The following USP35 variants were observed in gnomAD, a reference collection of about 807,000 sequenced individuals.
USP35 encodes the protein ubiquitin specific peptidase 35.
A neutral mutation model predicts 83.8 loss-of-function variants in USP35; 69 were observed. That is an observed-to-expected ratio of 0.82 (90% CI 0.68 to 1.01). The LOEUF is 1.01. Ranked by LOEUF, USP35 falls within the 50% of genes least tolerant of loss-of-function variation. The pLI is 0.00. For synonymous variants in USP35, 714 were observed against 589.5 expected (o/e 1.21, Z -3.06); for missense variants, 1,503 against 1,362.5 (o/e 1.10, Z -1.62).
rs935367497 is a variant in USP35, at chr11:78,215,018, T to C, written c.*1205T>C. ...ATGGTGGTGTGGAGTTTGGGCCCAA[T>C]GTCACAGACCCTCAAGATGTCACAT... is the stretch of plus-strand genomic sequence containing the variant. On this transcript the variant is annotated 3_prime_UTR_variant, in exon 11 of 11. Transcript: ENST00000529308. Among the ~76,000 whole-genome samples the C allele has an allele frequency of 6.6e-6, 1 of 152,010 alleles. No individual in the cohort carries two copies. Among genetic ancestry groups the C allele is most frequent in the Non-Finnish European group, 1.5e-5 (1 of 67,988 alleles).
the USP35 span, chr11:78,222,323 T>A: frequency 1.5e-6 from 1 of 666,104 alleles, no homozygotes; most frequent in South Asian, 1.7e-5. Context: ...ACAGGGAAAC[T>A]GACGCTCAGC....
chr11:78,192,925 C>T (rs1356519613), intron 1 of USP35, among the ~76,000 whole-genome samples: 1 of 152,152 alleles, frequency 6.6e-6, no homozygotes, highest in Non-Finnish European at 1.5e-5. Flanking sequence ...CAGAGTCTTC[C>T]CTGTCTCCAG....
At position 78,212,100 on chromosome 11, in the gene USP35, C is replaced by G. The variant is rs115407481; in HGVS notation, c.2889+1356C>G. Among the ~76,000 whole-genome samples the G allele has an allele frequency of 2.9e-4, 44 of 152,240 alleles. No homozygotes were observed. The East Asian group carries it at 5.4e-3, about 19-fold the overall frequency. ...TTTTACATTTAAGTCTTTAATCCATCGAGTGAATTTTTTGTATAAGGTATA... is the reference window on the plus strand; with the variant it reads ...TTTTACATTTAAGTCTTTAATCCATGGAGTGAATTTTTTGTATAAGGTATA... On this transcript the variant is annotated intron_variant, in intron 10 of 10. Transcript: ENST00000529308.
At position 78,196,536 on chromosome 11, in the gene USP35, C is replaced by T. The variant is rs1590897063; in HGVS notation, c.291C>T (p.Gly97=). ...TGCAGGGTGGCGCCGGCCCCCCGGG[C>T]CCCCGCGCGCTCGCCTGCGTGCAGC... ...RLLQGGAGPP[G]PRALACVQLG... The change falls in exon 2 of 11, where the codon GGC becomes GGT. Residue 97 remains glycine (G), a synonymous_variant. Transcript: ENST00000529308. This position sits in a 1 kb window ranked among gnomAD's most constrained non-coding sequence, Gnocchi z 4.8. 1.6e-6 allele frequency: 2 copies of T among 1,224,310 alleles called. No individual in the cohort carries two copies. The highest frequency in any genetic ancestry group is 2.1e-6 in the Non-Finnish European group (2 of 975,250). 75.8% of individuals were successfully genotyped at this position (1,224,310 alleles called of 1,614,324 possible). A position where few individuals can be genotyped will look rare whatever the true frequency, so the allele number is the denominator to read the frequency against.
chr11:78,193,639 G>T (rs59776258), intron 1 of USP35, among the ~76,000 whole-genome samples: 4,301 of 152,248 alleles, frequency 0.028, 163 homozygotes, highest in African/African-American at 0.097. Context: ...TGAAGCAACA[G>T]GAGTTGACAT....
At position 78,209,885 on chromosome 11, in the gene USP35, TAGAG is replaced by T. The variant is rs762612190; in HGVS notation, c.2033_2036del (p.Glu678GlyfsTer96). 1.3e-6 allele frequency: 2 copies of T among 1,597,304 alleles called. No homozygotes were observed. The highest frequency in any genetic ancestry group is 1.7e-5 in the Admixed American group (1 of 57,582). On this transcript the variant is annotated frameshift_variant, in exon 10 of 11. Transcript: ENST00000529308. LOFTEE classifies it high-confidence loss of function. ...GGGCAGAGCAGTCAGGAGGAAAGGA[TAGAG>T]AGGGAGGAAGAAGGGAAGGAGGAGA...
rs1863964613 is a variant in USP35 at position 78,214,237 on chromosome 11, G to GA, written c.*424_*425insA. The GA allele has an allele frequency of 7.0e-6, 1 of 142,962 alleles. No homozygotes were observed. The highest frequency in any genetic ancestry group is 2.9e-5 in the African/African-American group (1 of 34,848). The allele number at this position is 142,962 out of a possible 1,614,324, so 8.9% of individuals were successfully genotyped here. A position where few individuals can be genotyped will look rare whatever the true frequency, so the allele number is the denominator to read the frequency against. On this transcript the variant is annotated 3_prime_UTR_variant, in exon 11 of 11. Coordinates refer to ENST00000529308, the MANE Select transcript of USP35 (RefSeq NM_020798.4). Reference sequence around the variant, plus strand: ...GCAGGATCCAAGCCTTGCACAAAGGGGTGGGGGGGGCAGTGTCTCCTCTGG... The same window carrying GA: ...GCAGGATCCAAGCCTTGCACAAAGGGAGTGGGGGGGGCAGTGTCTCCTCTGG...
chr11:78,226,742 C>G, the USP35 span: 1 of 1,614,016 alleles, frequency 6.2e-7, no homozygotes, highest in Non-Finnish European at 8.5e-7. Flanking sequence ...TATTGTCTAC[C>G]AGGAGGTCCC....
chr11:78,190,675 G>A (rs2137019246), intron 1 of USP35, among the ~76,000 whole-genome samples: 1 of 152,330 alleles, frequency 6.6e-6, no homozygotes, highest in Non-Finnish European at 1.5e-5. Context: ...TAGCTAAGAG[G>A]GCCTTGGAGG....
At chr11:78,222,390 C>T in the USP35 span, among the ~76,000 whole-genome samples, 90 of 152,030 alleles carry the variant, frequency 5.9e-4, 1 homozygote, top group East Asian at 5.2e-3. Flanking sequence ...CTTCAGATTC[C>T]AAATTATATA....
chr11:78,221,567 C>T, the USP35 span: 2 of 587,346 alleles, frequency 3.4e-6, no homozygotes, highest in Admixed American at 2.8e-5. Context: ...ATGAATAATA[C>T]AAGGAGTCCC....
Position 78,213,741 on chromosome 11 carries a change from G to A in USP35, c.2985G>A (p.Glu995=). 6.5e-7 allele frequency: 1 copy of A among 1,541,982 alleles called. No individual in the cohort carries two copies. ...WGRGFDEDKD[E]DEGSPGGCNP... is the part of the protein sequence containing the mutation. ...GGGGCTTTGATGAAGACAAGGATGA[G>A]GATGAAGGCTCTCCAGGGGGCTGCA... is the stretch of plus-strand genomic sequence containing the variant. The change falls in exon 11 of 11, where the codon GAG becomes GAA. Residue 995 remains glutamate (E), a synonymous_variant. Transcript: ENST00000529308.
downstream of USP35, chr11:78,219,516 G>A (rs1864312457): frequency 3.7e-6 from 4 of 1,068,034 alleles, no homozygotes; most frequent in Non-Finnish European, 5.7e-6. Flanking sequence ...CTGAAGGGGA[G>A]AAGAGCATGG....
rs866041425 is a variant in USP35 at position 78,214,053 on chromosome 11, C to T, written c.*240C>T. On this transcript the variant is annotated 3_prime_UTR_variant, in exon 11 of 11. Transcript: ENST00000529308. ...AGTGTCCTGGTTAACTTGAAGCAGC[C>T]GAGATGGGCACACACGGGTCTTTGC... The T allele has an allele frequency of 2.3e-4, 97 of 416,340 alleles. No homozygotes were observed. The Middle Eastern group carries it at 4.4e-3, about 19-fold the overall frequency. 25.8% of individuals were successfully genotyped at this position (416,340 alleles called of 1,614,324 possible).
At chr11:78,229,929 C>T in the USP35 span, among the ~76,000 whole-genome samples, 1 of 152,192 alleles carries the variant, frequency 6.6e-6, no homozygotes, top group African/African-American at 2.4e-5. Flanking sequence ...ATTCTTACAT[C>T]CTCTACCTCT....
Position 78,208,978 on chromosome 11 carries a change from G to A in USP35, c.1592+15G>A, listed in dbSNP as rs1408031709. 6.2e-7 allele frequency: 1 copy of A among 1,612,614 alleles called. No homozygotes were observed. Among genetic ancestry groups the A allele is most frequent in the Non-Finnish European group, 8.5e-7 (1 of 1,178,958 alleles). On this transcript the variant is annotated intron_variant, in intron 9 of 10. Coordinates refer to ENST00000529308, the MANE Select transcript of USP35 (RefSeq NM_020798.4). ...CTGCTGGATCGGTAAGGGGGCCAGG[G>A]CTACGCGAAGACTCCAGGTCTAGAG...
chr11:78,204,735 T>C (rs1590908528), intron 6 of USP35, among the ~76,000 whole-genome samples: 2 of 152,222 alleles, frequency 1.3e-5, no homozygotes, highest in African/African-American at 4.8e-5. Flanking sequence ...CTGTATCTTA[T>C]CTGTCTTCCC....
At chr11:78,226,769 G>A in the USP35 span, 1 of 1,613,972 alleles carries the variant, frequency 6.2e-7, no homozygotes, top group African/African-American at 1.3e-5. Context: ...CCCTGCACAG[G>A]GTGTTGCTGG....
Position 78,203,887 on chromosome 11 carries a change from C to CTTTTTT in USP35, c.1198-1951_1198-1950insTTTTTT, listed in dbSNP as rs200697593. ...GCCACTGTACCCAGCCCATATTTTT[C>CTTTTTT]TTTTCTTTTTTTTTTTTTTTTGAGA... On this transcript the variant is annotated intron_variant, in intron 6 of 10. Transcript: ENST00000529308. Among the ~76,000 whole-genome samples the CTTTTTT allele has an allele frequency of 2.3e-4, 29 of 124,442 alleles. 1 individual carries two copies. The highest frequency in any genetic ancestry group is 5.5e-4 in the African/African-American group (17 of 31,186). 81.6% of individuals were successfully genotyped at this position (124,442 alleles called of 152,430 possible).
Sources: allele counts gnomAD v4.1 joint callset (sites outside exome capture counted in the v4.1 genomes callset), GRCh38; gene constraint gnomAD v4.1.1; non-coding constraint Gnocchi (gnomAD v3.1); transcripts MANE v1.5; gene names NCBI Gene and HGNC (gene_info 2026-07-23, HGNC 2026-07-21).